Variants in LPXN observed in about 807,000 individuals in gnomAD.
LPXN encodes the protein leupaxin.
A neutral mutation model predicts 45.6 loss-of-function variants in LPXN; 28 were observed. The observed-to-expected ratio is 0.61, with a 90% confidence interval of 0.45 to 0.84. The LOEUF is 0.84. Ranked by LOEUF, LPXN falls within the 40% of genes least tolerant of loss-of-function variation. The pLI is 0.00. For synonymous variants in LPXN, 166 were observed against 169.9 expected (o/e 0.98, Z 0.18); for missense variants, 459 against 475.0 (o/e 0.97, Z 0.31).
At chr11:58,578,891 C>CTGTGCGCG (rs1184857652), upstream of LPXN, among the ~76,000 whole-genome samples, 1 of 149,910 alleles carries the variant, frequency 6.7e-6, no homozygotes, top group Non-Finnish European at 1.5e-5. Context: ...AGCCGTTTAA[C>CTGTGCGCG]GGTGAGAACG....
At chr11:58,566,143 T>C (rs1460245017) in intron 2 of LPXN, among the ~76,000 whole-genome samples, 1 of 152,264 alleles carries the variant, frequency 6.6e-6, no homozygotes, top group Non-Finnish European at 1.5e-5. Flanking sequence ...ATGTGTTTTT[T>C]TTCGTTTTTT....
At chr11:58,548,216 A>G (rs1351943868) in intron 7 of LPXN, among the ~76,000 whole-genome samples, 1 of 152,200 alleles carries the variant, frequency 6.6e-6, no homozygotes, top group Non-Finnish European at 1.5e-5. Context: ...TCTTTCTCAG[A>G]AAGCTACTAG....
At chr11:58,530,336 G>A (rs748661324) in intron 7 of LPXN, among the ~76,000 whole-genome samples, 4 of 152,144 alleles carry the variant, frequency 2.6e-5, no homozygotes, top group East Asian at 3.9e-4. Flanking sequence ...GTCTGAGCTC[G>A]ACCTGGGATA....
intron 4 of LPXN, among the ~76,000 whole-genome samples, chr11:58,552,933 C>T (rs1217443820): frequency 1.3e-5 from 2 of 152,144 alleles, no homozygotes; most frequent in African/African-American, 4.8e-5. Flanking sequence ...CTGCCTATCT[C>T]CGGTGGGGCA....
intron 3 of LPXN, among the ~76,000 whole-genome samples, chr11:58,557,520 T>C (rs1198038701): frequency 6.6e-6 from 1 of 152,106 alleles, no homozygotes; most frequent in Non-Finnish European, 1.5e-5. Flanking sequence ...AGGTCAAATA[T>C]GTAGATACAC....
At chr11:58,562,033 T>A (rs1264827351) in intron 3 of LPXN, among the ~76,000 whole-genome samples, 2 of 152,176 alleles carry the variant, frequency 1.3e-5, no homozygotes, top group African/African-American at 2.4e-5. Flanking sequence ...GTAACACATA[T>A]CACAAGAGAT....
chr11:58,552,096 A>G (rs1297423688), intron 4 of LPXN, among the ~76,000 whole-genome samples: 1 of 152,212 alleles, frequency 6.6e-6, no homozygotes, highest in East Asian at 1.9e-4. Context: ...TTTCAAGCAC[A>G]GGAGTGAAGG....
chr11:58,546,758 A>G (rs548790175), intron 7 of LPXN, among the ~76,000 whole-genome samples: 3 of 152,216 alleles, frequency 2.0e-5, no homozygotes, highest in Non-Finnish European at 4.4e-5. Context: ...GTATTGGGAA[A>G]GACCAGTGTA....
intron 1 of LPXN, among the ~76,000 whole-genome samples, chr11:58,575,465 T>A (rs1477967755): frequency 6.6e-6 from 1 of 152,156 alleles, no homozygotes; most frequent in Admixed American, 6.5e-5. Context: ...AAAACGCCCA[T>A]AACAAGACAA....
intron 8 of LPXN, 123 bp from the exon 9 acceptor site, chr11:58,527,846 G>T: frequency 8.6e-7 from 1 of 1,164,330 alleles, no homozygotes; most frequent in Non-Finnish European, 1.2e-6. Context: ...TTTCCCTCAG[G>T]TTCTTGACAA....
At chr11:58,573,012 G>A (rs143507215) in intron 1 of LPXN, among the ~76,000 whole-genome samples, 16 of 152,248 alleles carry the variant, frequency 1.1e-4, no homozygotes, top group African/African-American at 3.6e-4. Context: ...TTGAGAGGCC[G>A]AGGCGGGCGG....
chr11:58,566,914 T>C (rs1565203955), intron 2 of LPXN, among the ~76,000 whole-genome samples: 1 of 152,154 alleles, frequency 6.6e-6, no homozygotes, highest in African/African-American at 2.4e-5. Context: ...AATATACATA[T>C]AGTCATTCTG....
At position 58,551,145 on chromosome 11, in the gene LPXN, C is replaced by G. The variant is rs17845596; in HGVS notation, c.406G>C (p.Glu136Gln). The G allele has an allele frequency of 1.9e-6, 3 of 1,611,398 alleles. No individual in the cohort carries two copies. In the East Asian group the frequency reaches 6.8e-5, roughly 36 times the overall value. ...ATGCCAAGGTCCTGCAATTCCTGCT[C>G]CAGACCCCCAAGCATTGAGTCCAGG... ...ASLDSMLGGLEQELQDLGIAT... is the reference protein window; with the variant it reads ...ASLDSMLGGLQQELQDLGIAT... The change falls in exon 5 of 9, where the codon GAG becomes CAG. Residue 136 changes from glutamate (E) to glutamine (Q), a missense_variant. Physicochemically the swap from Glu to Gln is conservative, Grantham distance 29. Coordinates refer to ENST00000395074, the MANE Select transcript of LPXN (RefSeq NM_004811.3).
chr11:58,561,256 G>A (rs2515347), intron 3 of LPXN, among the ~76,000 whole-genome samples: 77,937 of 151,852 alleles, frequency 0.51, 20,816 homozygotes, highest in East Asian at 0.67. Flanking sequence ...GTAGTTACCA[G>A]CCAGAAAAAA....
At chr11:58,552,292 T>C (rs943035162) in intron 4 of LPXN, among the ~76,000 whole-genome samples, 22 of 151,732 alleles carry the variant, frequency 1.4e-4, no homozygotes, top group African/African-American at 4.9e-4. Context: ...TTATAAACCA[T>C]TCAAAGAAGG....
intron 1 of LPXN, 90 bp downstream of exon 1, chr11:58,575,670 T>G (rs1466551077): frequency 7.1e-7 from 1 of 1,404,868 alleles, no homozygotes; most frequent in Non-Finnish European, 1.0e-6. Context: ...ATTACTACCC[T>G]CAGTCTAGCC....
chr11:58,560,737 T>G (rs1402943201), intron 3 of LPXN, among the ~76,000 whole-genome samples: 1 of 152,208 alleles, frequency 6.6e-6, no homozygotes, highest in Non-Finnish European at 1.5e-5. Flanking sequence ...TAAAAACTTT[T>G]TTGTACATAA....
intron 7 of LPXN, among the ~76,000 whole-genome samples, chr11:58,533,085 C>T (rs1352289545): frequency 2.6e-5 from 4 of 152,156 alleles, no homozygotes; most frequent in Non-Finnish European, 5.9e-5. Flanking sequence ...AGCGAAACCA[C>T]AAACCCATCA....
At chr11:58,578,291 G>A (rs565808171), upstream of LPXN, 12 of 402,872 alleles carry the variant, frequency 3.0e-5, no homozygotes, top group South Asian at 3.1e-4. Flanking sequence ...ACTGCGGAAA[G>A]TAAACTACCT....
Sources: gnomAD v4.1 joint callset for allele counts (sites outside exome capture counted in the v4.1 genomes callset) on GRCh38, gnomAD v4.1.1 for gene constraint, MANE v1.5 for transcripts, NCBI Gene and HGNC (gene_info 2026-07-23, HGNC 2026-07-21) for gene names.